The following PRKCE variants were observed in gnomAD, a reference collection of about 807,000 sequenced individuals.
The protein encoded by PRKCE is protein kinase C epsilon, also known as protein kinase C epsilon type.
PRKCE carries 16 observed loss-of-function variants against 85.4 expected under a neutral mutation model. The observed-to-expected ratio is 0.19, with a 90% CI of 0.13 to 0.28. PRKCE has a LOEUF of 0.28. Ranked by LOEUF, PRKCE falls within the 10% of genes least tolerant of loss-of-function variation. The pLI is 1.00. For missense variants in PRKCE, 573 were observed against 975.2 expected, an observed-to-expected ratio of 0.59 and a Z score of 5.49; for synonymous variants, 388 against 371.5, an observed-to-expected ratio of 1.04 and a Z score of -0.51.
intron 1 of PRKCE, among the ~76,000 whole-genome samples, chr2:45,723,691 G>A (rs1680815071): frequency 6.6e-6 from 1 of 152,042 alleles, no homozygotes; most frequent in African/African-American, 2.4e-5. Context: ...TGCAACCTCC[G>A]CCTTCCGGTT....
At chr2:45,803,431 A>G (rs549787819) in intron 1 of PRKCE, among the ~76,000 whole-genome samples, 2 of 152,350 alleles carry the variant, frequency 1.3e-5, no homozygotes, top group East Asian at 1.9e-4. Context: ...ATTTTGCCAT[A>G]TGGACAGTTT....
intron 2 of PRKCE, among the ~76,000 whole-genome samples, chr2:45,886,970 C>G (rs193146960): frequency 9.9e-4 from 151 of 152,326 alleles, no homozygotes; most frequent in African/African-American, 3.4e-3. Flanking sequence ...GACGATGTCA[C>G]TAGCCTCACG....
intron 4 of PRKCE, among the ~76,000 whole-genome samples, chr2:45,980,045 G>A (rs1702760748): frequency 6.6e-6 from 1 of 152,192 alleles, no homozygotes; most frequent in South Asian, 2.1e-4. Flanking sequence ...TCCCTCAACT[G>A]GAGAAAACTG....
chr2:45,994,166 T>C (rs1313509829), intron 6 of PRKCE, among the ~76,000 whole-genome samples: 2 of 152,208 alleles, frequency 1.3e-5, no homozygotes, highest in Admixed American at 1.3e-4. Context: ...CACAACAAAA[T>C]AGGTCAAAGG....
At chr2:45,944,655 ATTTTTTTTTT>A (rs71394861) in intron 2 of PRKCE, among the ~76,000 whole-genome samples, 76 of 75,620 alleles carry the variant, frequency 1.0e-3, no homozygotes, top group South Asian at 9.0e-3. Flanking sequence ...TACCCGGCTA[ATTTTTTTTTT>A]TTTTTTTTTT....
intron 11 of PRKCE, among the ~76,000 whole-genome samples, chr2:46,116,883 C>T (rs1364627397): frequency 1.3e-5 from 2 of 152,064 alleles, no homozygotes; most frequent in Non-Finnish European, 2.9e-5. Context: ...GAAAAAAAAC[C>T]GGAGAGCAGG....
intron 10 of PRKCE, among the ~76,000 whole-genome samples, chr2:46,055,093 T>C (rs1469966105): frequency 6.6e-6 from 1 of 152,208 alleles, no homozygotes; most frequent in Non-Finnish European, 1.5e-5. Context: ...ACAATACAAG[T>C]GCCAGGTATG....
At chr2:45,662,225 A>G (rs1675699490) in intron 1 of PRKCE, among the ~76,000 whole-genome samples, 1 of 152,222 alleles carries the variant, frequency 6.6e-6, no homozygotes, top group African/African-American at 2.4e-5. Context: ...CACTGAGCAA[A>G]TATTTATTGA....
intron 10 of PRKCE, among the ~76,000 whole-genome samples, chr2:46,042,223 G>C (rs1482645522): frequency 6.6e-6 from 1 of 152,172 alleles, no homozygotes. Flanking sequence ...GGCTGAGACA[G>C]GGAGTAACAT....
At chr2:45,746,807 A>G (rs1180092145) in intron 1 of PRKCE, among the ~76,000 whole-genome samples, 10 of 152,146 alleles carry the variant, frequency 6.6e-5, no homozygotes, top group South Asian at 4.1e-4. Context: ...ATGATTTCCC[A>G]GCATGCTTCT....
intron 2 of PRKCE, among the ~76,000 whole-genome samples, chr2:45,918,146 C>T (rs767587993): frequency 4.3e-4 from 66 of 152,334 alleles, no homozygotes; most frequent in Non-Finnish European, 6.8e-4. Context: ...GGCTGAAGGG[C>T]TCCTCAAATG....
At chr2:45,986,459 C>T (rs1558923358) in intron 6 of PRKCE, among the ~76,000 whole-genome samples, 1 of 151,962 alleles carries the variant, frequency 6.6e-6, no homozygotes, top group African/African-American at 2.4e-5. Flanking sequence ...TGATGGACAC[C>T]GCCTTCCCCA....
At chr2:46,115,757 C>T (rs1281005286) in intron 11 of PRKCE, among the ~76,000 whole-genome samples, 2 of 152,320 alleles carry the variant, frequency 1.3e-5, no homozygotes, top group East Asian at 3.9e-4. Context: ...TGGAACCAGA[C>T]ACAGGCTGCT....
intron 1 of PRKCE, among the ~76,000 whole-genome samples, chr2:45,653,657 T>G (rs1054391800): frequency 6.6e-6 from 1 of 152,132 alleles, no homozygotes; most frequent in African/African-American, 2.4e-5. Context: ...CCTTACATAT[T>G]TTTTTCAAGG....
rs532803632 is a variant in PRKCE at position 46,139,722 on chromosome 2, A to G, written c.1593-5371A>G. On this transcript the variant is annotated intron_variant, in intron 11 of 14. Transcript: ENST00000306156. The surrounding 1 kb of genome is among the most constrained non-coding windows in gnomAD (Gnocchi z 5.2). ...TGTGTATATATATACATATATACAT[A>G]TACATATATATCTAGAGAGAGAGAG... is the stretch of plus-strand genomic sequence containing the variant. 1.7e-4 allele frequency among the ~76,000 whole-genome samples: 26 copies of G among 151,698 alleles called. No individual in the cohort carries two copies. The highest frequency in any genetic ancestry group is 8.8e-5 in the Non-Finnish European group (6 of 67,912).
At chr2:45,845,282 C>T (rs1354811804) in intron 2 of PRKCE, 1 of 151,896 alleles carries the variant, frequency 6.6e-6, no homozygotes, top group Non-Finnish European at 1.5e-5. Context: ...AATGAGAAAC[C>T]ACAACATTTC....
intron 11 of PRKCE, among the ~76,000 whole-genome samples, chr2:46,108,039 T>G (rs1299123565): frequency 1.3e-5 from 2 of 152,186 alleles, no homozygotes; most frequent in African/African-American, 4.8e-5. Flanking sequence ...GCTGTCCTCC[T>G]GCCTCAGTCA....
In PRKCE at chr2:45,893,295, C is replaced by G. The variant is rs537207181; in HGVS notation, c.412+50232C>G. ...AATGTGATGGACTCACAGGGAGAGG[C>G]TGTTCCTCAGGATCATCTCCCACAG... On this transcript the variant is annotated intron_variant, in intron 2 of 14. Coordinates refer to ENST00000306156, the MANE Select transcript of PRKCE (RefSeq NM_005400.3). 2.0e-5 allele frequency among the ~76,000 whole-genome samples: 3 copies of G among 151,960 alleles called. No homozygotes were observed. In the South Asian group the frequency reaches 6.2e-4, roughly 32 times the overall value.
chr2:45,693,996 G>T (rs567864430), intron 1 of PRKCE, among the ~76,000 whole-genome samples: 1 of 151,852 alleles, frequency 6.6e-6, no homozygotes, highest in Non-Finnish European at 1.5e-5. Context: ...TGTTTAATCC[G>T]TGAGGGTCAC....
Sources: allele counts gnomAD v4.1 joint callset (sites outside exome capture counted in the v4.1 genomes callset), GRCh38; gene constraint gnomAD v4.1.1; non-coding constraint Gnocchi (gnomAD v3.1); transcripts MANE v1.5; gene names NCBI Gene and HGNC (gene_info 2026-07-23, HGNC 2026-07-21).